SLC22A16: variants seen among roughly 807,000 people sequenced by gnomAD.
The protein encoded by SLC22A16 is solute carrier family 22 member 16.
Under a neutral mutation model 52.9 loss-of-function variants are expected in SLC22A16, and 53 were observed. That is an observed-to-expected ratio of 1.00 (90% CI 0.80 to 1.26). The LOEUF is 1.26. Among genes scored for constraint, SLC22A16 ranks in the 50% most tolerant of loss-of-function variants. SLC22A16 has a pLI of 0.00. For missense variants in SLC22A16, 726 were observed against 704.0 expected (o/e 1.03, Z -0.35); for synonymous variants, 291 against 268.8 (o/e 1.08, Z -0.81).
rs2114954206 is a variant in SLC22A16, at chr6:110,446,787, T to C, written c.651+86A>G. 4 of 1,190,128 alleles carry C rather than the reference T, an allele frequency of 3.4e-6. 1 individual carries two copies. In the East Asian group the frequency reaches 7.0e-5, roughly 21 times the overall value. 73.7% of individuals were successfully genotyped at this position (1,190,128 alleles called of 1,614,324 possible). ...AAGATGAGTCCTTGATCTCGCTCAC[T>C]AGATCTTAAATGAGCAAAATGATGA... On this transcript the variant is annotated intron_variant, in intron 3 of 7. Transcript: ENST00000368919.
intron 3 of SLC22A16, among the ~76,000 whole-genome samples, chr6:110,444,638 G>A (rs772980245): frequency 9.2e-5 from 14 of 152,114 alleles, no homozygotes; most frequent in African/African-American, 2.4e-4. Context: ...CAAAGAGGCC[G>A]GCCTACAAGG....
At chr6:110,425,386 T>C in intron 7 of SLC22A16, 6 of 1,341,590 alleles carry the variant, frequency 4.5e-6, no homozygotes, top group Non-Finnish European at 5.9e-6. Context: ...CTAGGAGCTG[T>C]GGTCAGAAAG....
chr6:110,476,438 C>T, intron 1 of SLC22A16, 84 bp downstream of exon 1: 5 of 1,408,000 alleles, frequency 3.6e-6, no homozygotes, highest in Non-Finnish European at 4.6e-6. Context: ...TCGCGAGCGC[C>T]GCGCGAGAAC....
chr6:110,442,349 GTGTCCT>G lies in SLC22A16; in HGVS notation c.1072_1077del (p.Arg358_Thr359del). On this transcript the variant is annotated inframe_deletion, in exon 4 of 8. Transcript: ENST00000368919. ...GTGAACCAGATTAGCCAAACGGTAA[GTGTCCT>G]TTTCGTAATGCTCCAGTTATAAAAC... is the stretch of plus-strand genomic sequence containing the variant. 1 of 1,614,170 alleles carries G rather than the reference GTGTCCT, an allele frequency of 6.2e-7. No homozygotes were observed. The highest frequency in any genetic ancestry group is 8.5e-7 in the Non-Finnish European group (1 of 1,180,020).
intron 1 of SLC22A16, among the ~76,000 whole-genome samples, chr6:110,467,774 CTTA>C (rs1393540780): frequency 2.3e-4 from 35 of 152,338 alleles, no homozygotes; most frequent in Middle Eastern, 3.4e-3. Flanking sequence ...GCTAAATTAA[CTTA>C]TTATGTATAT....
In SLC22A16 at chr6:110,433,570, A is replaced by G. The variant is rs186927197; in HGVS notation, c.1421+2282T>C. Among the ~76,000 whole-genome samples, 4 of 152,312 alleles carry G rather than the reference A, an allele frequency of 2.6e-5. No individual in the cohort carries two copies. In the South Asian group the frequency reaches 8.3e-4, roughly 32 times the overall value. ...CTATAGAAAGTCACTTGCCTTTCAC[A>G]CTTGTAACACATGACAAATAACATA... On this transcript the variant is annotated intron_variant, in intron 6 of 7. Transcript: ENST00000368919.
chr6:110,430,587 C>T (rs1774455714), intron 7 of SLC22A16, among the ~76,000 whole-genome samples: 1 of 152,144 alleles, frequency 6.6e-6, no homozygotes, highest in African/African-American at 2.4e-5. Flanking sequence ...CCAGGTGCAG[C>T]AGTGCTCACG....
chr6:110,460,714 C>T (rs1038226680), intron 1 of SLC22A16, among the ~76,000 whole-genome samples: 1 of 152,186 alleles, frequency 6.6e-6, no homozygotes, highest in East Asian at 1.9e-4. Context: ...CACTGCCCTG[C>T]CCAAGCAACC....
chr6:110,428,838 T>C (rs1774379894), intron 7 of SLC22A16, among the ~76,000 whole-genome samples: 1 of 152,176 alleles, frequency 6.6e-6, no homozygotes, highest in Non-Finnish European at 1.5e-5. Flanking sequence ...GAGAATCTTT[T>C]GAACCTGGGA....
chr6:110,434,978 G>T (rs937170354), intron 6 of SLC22A16, among the ~76,000 whole-genome samples: 1 of 151,130 alleles, frequency 6.6e-6, no homozygotes, highest in African/African-American at 2.4e-5. Context: ...ACTCCATCTC[G>T]AAAAAAGAAA....
intron 5 of SLC22A16, among the ~76,000 whole-genome samples, chr6:110,438,101 T>TG (rs1428198349): frequency 6.6e-6 from 1 of 151,312 alleles, no homozygotes; most frequent in African/African-American, 2.4e-5. Context: ...TACACACGGG[T>TG]GCCAGACGCC....
intron 7 of SLC22A16, among the ~76,000 whole-genome samples, chr6:110,430,066 A>G (rs1774434034): frequency 6.6e-6 from 1 of 152,004 alleles, no homozygotes; most frequent in African/African-American, 2.4e-5. Flanking sequence ...TGAAGCTGAC[A>G]GGGGCACTGG....
chr6:110,436,736 C>A (rs151223629), intron 5 of SLC22A16, among the ~76,000 whole-genome samples: 1 of 152,194 alleles, frequency 6.6e-6, no homozygotes, highest in Non-Finnish European at 1.5e-5. Context: ...AAAGTGGTAA[C>A]TATTAGTACA....
At chr6:110,450,671 A>C (rs1775344149) in intron 2 of SLC22A16, among the ~76,000 whole-genome samples, 1 of 151,682 alleles carries the variant, frequency 6.6e-6, no homozygotes, top group Admixed American at 6.6e-5. Flanking sequence ...GTCAGTTCAA[A>C]AGTCTATATT....
intron 2 of SLC22A16, among the ~76,000 whole-genome samples, chr6:110,454,874 A>G (rs1401218556): frequency 6.1e-4 from 45 of 74,352 alleles, no homozygotes; most frequent in Admixed American, 1.4e-3. Flanking sequence ...TATTATATAT[A>G]ATATATATAT....
At chr6:110,428,480 A>C (rs1382498759) in intron 7 of SLC22A16, among the ~76,000 whole-genome samples, 5 of 152,240 alleles carry the variant, frequency 3.3e-5, no homozygotes, top group African/African-American at 4.8e-5. Flanking sequence ...ATTTGGGTTC[A>C]AATCCCAGCT....
chr6:110,441,305 A>C (rs907217457), intron 4 of SLC22A16, among the ~76,000 whole-genome samples: 1 of 152,212 alleles, frequency 6.6e-6, no homozygotes, highest in African/African-American at 2.4e-5. Context: ...CTTTCCACTC[A>C]ATGGGTGCCA....
At chr6:110,464,972 AAGATGGT>A (rs1006556267) in intron 1 of SLC22A16, among the ~76,000 whole-genome samples, 1 of 152,106 alleles carries the variant, frequency 6.6e-6, no homozygotes, top group African/African-American at 2.4e-5. Flanking sequence ...TAGGGATGCC[AAGATGGT>A]TCAACATATG....
intron 1 of SLC22A16, among the ~76,000 whole-genome samples, chr6:110,465,228 A>G (rs1234481076): frequency 6.6e-6 from 1 of 152,128 alleles, no homozygotes; most frequent in African/African-American, 2.4e-5. Context: ...TCCTCTTCAG[A>G]ACTAGAACAA....
Sources: gnomAD v4.1 joint callset for allele counts (sites outside exome capture counted in the v4.1 genomes callset) on GRCh38, gnomAD v4.1.1 for gene constraint, MANE v1.5 for transcripts, NCBI Gene and HGNC (gene_info 2026-07-23, HGNC 2026-07-21) for gene names.